Variants in CEP20 observed in about 807,000 individuals in gnomAD.
The protein encoded by CEP20 is centrosomal protein 20.
A neutral mutation model predicts 20.0 loss-of-function variants in CEP20; 18 were observed. The ratio of observed to expected loss-of-function variants is 0.90; its 90% confidence interval spans 0.62 to 1.34. CEP20 has a LOEUF of 1.34. CEP20 is among the 40% of genes most tolerant of loss of function. The pLI, the probability that CEP20 is intolerant of heterozygous loss-of-function variation, is 0.00. For missense variants in CEP20, 215 were observed against 201.6 expected, an observed-to-expected ratio of 1.07 and a Z score of -0.40; for synonymous variants, 77 against 73.7, an observed-to-expected ratio of 1.04 and a Z score of -0.23.
chr16:15,876,603 C>CT (rs552056324), intron 3 of CEP20, among the ~76,000 whole-genome samples: 71 of 152,240 alleles, frequency 4.7e-4, no homozygotes, highest in African/African-American at 1.6e-3. Context: ...GTAGCTAGGA[C>CT]TACAGGCATG....
At position 15,866,135 on chromosome 16, in the gene CEP20, G is replaced by A. The variant is rs1008385454; in HGVS notation, c.*1305C>T. 2.8e-5 allele frequency: 2 copies of A among 70,218 alleles called. No homozygotes were observed. Among genetic ancestry groups the A allele is most frequent in the African/African-American group, 6.3e-5 (2 of 31,760 alleles). The allele number at this position is 70,218 out of a possible 1,614,324, so 4.3% of individuals were successfully genotyped here. A position where few individuals can be genotyped will look rare whatever the true frequency, so the allele number is the denominator to read the frequency against. ...CAGGGCCTCCCAAAATGTTGTGTAA[G>A]TATAGTTTAAATGGATTTCATTAAT... On this transcript the variant is annotated 3_prime_UTR_variant, in exon 5 of 5. Transcript: ENST00000255759.
chr16:15,876,293 C>G (rs996602758), intron 3 of CEP20, among the ~76,000 whole-genome samples: 1 of 151,020 alleles, frequency 6.6e-6, no homozygotes, highest in Non-Finnish European at 1.5e-5. Context: ...CTGGCTAACA[C>G]GGTGAAACCG....
chr16:15,878,910 T>G (rs181499564), intron 3 of CEP20, among the ~76,000 whole-genome samples: 1 of 152,264 alleles, frequency 6.6e-6, no homozygotes, highest in East Asian at 1.9e-4. Flanking sequence ...GATACCTCAC[T>G]TGGCCTTAAG....
At position 15,866,238 on chromosome 16, in the gene CEP20, C is replaced by CA. The variant is rs1345482395; in HGVS notation, c.*1201dup. 7 of 152,154 alleles carry CA rather than the reference C, an allele frequency of 4.6e-5. No individual in the cohort carries two copies. The highest frequency in any genetic ancestry group is 8.8e-5 in the Non-Finnish European group (6 of 68,014). 9.4% of individuals were successfully genotyped at this position (152,154 alleles called of 1,614,324 possible). The stretch of plus-strand genomic sequence containing the variant: ...TGACTAGCATTGCCAAACAGAAAAT[C>CA]AAAAGTTTCAACAATTTGCAAAGCA... On this transcript the variant is annotated 3_prime_UTR_variant, in exon 5 of 5. Transcript: ENST00000255759.
At chr16:15,871,032 G>C (rs564309579) in intron 4 of CEP20, among the ~76,000 whole-genome samples, 27 of 152,230 alleles carry the variant, frequency 1.8e-4, no homozygotes, top group South Asian at 1.2e-3. Context: ...GGAGGCCAAG[G>C]GGGGTGGATT....
At chr16:15,878,497 AC>A (rs1435371386) in intron 3 of CEP20, among the ~76,000 whole-genome samples, 12 of 68,514 alleles carry the variant, frequency 1.8e-4, no homozygotes, top group African/African-American at 6.7e-4. Flanking sequence ...AACTTTCAGA[AC>A]TTTTTTTTTT....
chr16:15,882,563 CCTCTT>C (rs1267993628), intron 2 of CEP20, among the ~76,000 whole-genome samples: 2 of 151,796 alleles, frequency 1.3e-5, no homozygotes, highest in Middle Eastern at 3.4e-3. Flanking sequence ...TACAAAAAAA[CCTCTT>C]CTCTTCATAA....
Position 15,866,363 on chromosome 16 carries a change from T to C in CEP20, c.*1077A>G, listed in dbSNP as rs891353365. The C allele has an allele frequency of 1.3e-5, 2 of 152,202 alleles. No homozygotes were observed. The highest frequency in any genetic ancestry group is 4.8e-5 in the African/African-American group (2 of 41,460). The allele number at this position is 152,202 out of a possible 1,614,324, so 9.4% of individuals were successfully genotyped here. On this transcript the variant is annotated 3_prime_UTR_variant, in exon 5 of 5. Coordinates refer to ENST00000255759, the MANE Select transcript of CEP20 (RefSeq NM_144600.4). The stretch of plus-strand genomic sequence containing the variant: ...CTTTAAGCTAAATGTTGTCAGTGTT[T>C]AGGTGTGCAGGCAAAATTTAATTCT...
chr16:15,866,108 AGCAGG>A lies in CEP20; in HGVS notation c.*1327_*1331del, dbSNP rs2044672268. The stretch of plus-strand genomic sequence containing the variant: ...TTCTGCATCCATATATAATTTTACC[AGCAGG>A]GCCTCCCAAAATGTTGTGTAAGTAT... On this transcript the variant is annotated 3_prime_UTR_variant, in exon 5 of 5. Transcript: ENST00000255759. 6.7e-6 allele frequency: 1 copy of A among 150,022 alleles called. No individual in the cohort carries two copies. The highest frequency in any genetic ancestry group is 2.4e-5 in the African/African-American group (1 of 41,356). 9.3% of individuals were successfully genotyped at this position (150,022 alleles called of 1,614,324 possible).
At chr16:15,882,731 ATATCTATCTATC>A (rs68035220) in intron 2 of CEP20, among the ~76,000 whole-genome samples, 13,459 of 145,608 alleles carry the variant, frequency 0.092, 686 homozygotes, top group Middle Eastern at 0.15. Context: ...TATCTCCATT[ATATCTATCTATC>A]TATCTATCTA....
At chr16:15,888,476 G>C (rs2045299622) in intron 1 of CEP20, 82 bp downstream of exon 1, 1 of 1,578,058 alleles carries the variant, frequency 6.3e-7, no homozygotes, top group African/African-American at 1.3e-5. Context: ...CATGTGTTCC[G>C]CGCGCTCTCC....
At chr16:15,868,340 C>G (rs2044736376) in intron 4 of CEP20, among the ~76,000 whole-genome samples, 2 of 151,802 alleles carry the variant, frequency 1.3e-5, no homozygotes, top group Non-Finnish European at 2.9e-5. Flanking sequence ...AGGAGAATCG[C>G]TTGAACTCAG....
chr16:15,873,107 A>G (rs1381031891), intron 4 of CEP20, among the ~76,000 whole-genome samples: 2 of 150,132 alleles, frequency 1.3e-5, no homozygotes, highest in African/African-American at 2.5e-5. Flanking sequence ...AATTAATATA[A>G]TTTTTTAATT....
chr16:15,881,603 G>A (rs1293188334), intron 2 of CEP20, among the ~76,000 whole-genome samples: 1 of 152,078 alleles, frequency 6.6e-6, no homozygotes, highest in African/African-American at 2.4e-5. Flanking sequence ...CCTGAAACGA[G>A]GGAATCCGAT....
intron 3 of CEP20, chr16:15,877,198 C>T (rs953565450): frequency 6.6e-6 from 1 of 152,380 alleles, no homozygotes; most frequent in Non-Finnish European, 1.5e-5. Flanking sequence ...TGCGTGTCAT[C>T]CCTTTGCCGG....
At chr16:15,869,107 G>GTGTA (rs1555463555) in intron 4 of CEP20, among the ~76,000 whole-genome samples, 9 of 150,786 alleles carry the variant, frequency 6.0e-5, no homozygotes, top group East Asian at 3.9e-4. Flanking sequence ...GTGTGTGTGT[G>GTGTA]TATATATATA....
At chr16:15,887,487 C>A (rs1280529917) in intron 1 of CEP20, among the ~76,000 whole-genome samples, 1 of 152,200 alleles carries the variant, frequency 6.6e-6, no homozygotes, top group African/African-American at 2.4e-5. Flanking sequence ...CGCTCCAGTG[C>A]GTCACAACTA....
chr16:15,869,921 G>A (rs1309722145), intron 4 of CEP20, among the ~76,000 whole-genome samples: 4 of 152,202 alleles, frequency 2.6e-5, no homozygotes, highest in South Asian at 2.1e-4. Context: ...GTTCTTCCCC[G>A]ATTCATTCAG....
intron 3 of CEP20, among the ~76,000 whole-genome samples, chr16:15,876,221 T>TC (rs1484136817): frequency 4.0e-5 from 6 of 151,664 alleles, no homozygotes; most frequent in African/African-American, 1.5e-4. Context: ...CTCACACCTG[T>TC]AATCCTAGCA....
Sources: allele counts gnomAD v4.1 joint callset (sites outside exome capture counted in the v4.1 genomes callset), GRCh38; gene constraint gnomAD v4.1.1; transcripts MANE v1.5; gene names NCBI Gene and HGNC (gene_info 2026-07-23, HGNC 2026-07-21).